The following NUDT5 variants were observed in gnomAD, a reference collection of about 807,000 sequenced individuals.
NUDT5 encodes nudix hydrolase 5, also known as ADP-sugar pyrophosphatase.
In NUDT5, 21 loss-of-function variants were observed where a neutral mutation model predicts 34.1. The observed-to-expected ratio is 0.62, with a 90% CI of 0.44 to 0.89. The LOEUF is 0.89. Ranked by LOEUF, NUDT5 falls within the 40% of genes least tolerant of loss-of-function variation. NUDT5 has a pLI of 0.00. For synonymous variants in NUDT5, 85 were observed against 97.6 expected (o/e 0.87, Z 0.76); for missense variants, 249 against 274.8 (o/e 0.91, Z 0.66).
intron 1 of NUDT5, among the ~76,000 whole-genome samples, chr10:12,190,135 C>T (rs1041445572): frequency 2.0e-5 from 3 of 152,160 alleles, no homozygotes; most frequent in African/African-American, 4.8e-5. Flanking sequence ...GTGATCCACC[C>T]GCCTCGGCCT....
intron 1 of NUDT5, among the ~76,000 whole-genome samples, chr10:12,190,691 C>T (rs1278936082): frequency 2.6e-5 from 4 of 151,162 alleles, no homozygotes; most frequent in African/African-American, 9.7e-5. Context: ...TCACTGCAAC[C>T]TCCACCTCCC....
chr10:12,170,695 T>C lies in NUDT5; in HGVS notation c.550+22A>G. On this transcript the variant is annotated intron_variant, in intron 9 of 9. Coordinates refer to ENST00000491614, the MANE Select transcript of NUDT5 (RefSeq NM_014142.4). The surrounding 1 kb of genome is among the most constrained non-coding windows in gnomAD (Gnocchi z 4.9). ...GACGGGGAGAACTGGAGAAACTGGGTGGCGGTCTGGAGAATGCTTACCATC... is the reference window on the plus strand; with the variant it reads ...GACGGGGAGAACTGGAGAAACTGGGCGGCGGTCTGGAGAATGCTTACCATC... 6.2e-7 allele frequency: 1 copy of C among 1,611,776 alleles called. No homozygotes were observed. Among genetic ancestry groups the C allele is most frequent in the African/African-American group, 1.3e-5 (1 of 74,994 alleles).
intron 5 of NUDT5, among the ~76,000 whole-genome samples, chr10:12,176,065 C>T (rs1048004290): frequency 1.1e-4 from 17 of 151,798 alleles, no homozygotes; most frequent in Non-Finnish European, 1.9e-4. Context: ...GGTGTGGTGG[C>T]ACATGCCTGT....
At chr10:12,174,609 A>G (rs1834919819) in intron 5 of NUDT5, among the ~76,000 whole-genome samples, 1 of 152,238 alleles carries the variant, frequency 6.6e-6, no homozygotes, top group Non-Finnish European at 1.5e-5. Flanking sequence ...AGGCGAAAGA[A>G]TAAAACTCTG....
At chr10:12,193,161 C>T (rs149908608) in intron 1 of NUDT5, among the ~76,000 whole-genome samples, 20 of 152,226 alleles carry the variant, frequency 1.3e-4, no homozygotes, top group Non-Finnish European at 2.8e-4. Context: ...AAAGATAGTC[C>T]AGGCAGGAGA....
chr10:12,181,912 G>T lies in NUDT5; in HGVS notation c.132-2780C>A, dbSNP rs943946909. ...CTAGCACTTTGGGAGGCCAAGGTGG[G>T]TGGATCACCTGAGGTCAGGAGTTTC... On this transcript the variant is annotated intron_variant, in intron 3 of 9. Transcript: ENST00000491614. This position sits in a 1 kb window ranked among gnomAD's most constrained non-coding sequence, Gnocchi z 5.0. 6.6e-6 allele frequency among the ~76,000 whole-genome samples: 1 copy of T among 152,176 alleles called. No homozygotes were observed.
rs1834890843 is a variant in NUDT5 at position 12,173,264 on chromosome 10, G to A, written c.386-398C>T. ...CTTTGCTCTTATTGCCCAGGATGGA[G>A]TGCACTGGCGTGATCTTGGCTCACT... is the stretch of plus-strand genomic sequence containing the variant. On this transcript the variant is annotated intron_variant, in intron 6 of 9. Coordinates refer to ENST00000491614, the MANE Select transcript of NUDT5 (RefSeq NM_014142.4). The surrounding 1 kb of genome is among the most constrained non-coding windows in gnomAD (Gnocchi z 4.7). Among the ~76,000 whole-genome samples the A allele has an allele frequency of 6.6e-6, 1 of 152,202 alleles. No individual in the cohort carries two copies. The highest frequency in any genetic ancestry group is 1.5e-5 in the Non-Finnish European group (1 of 68,036).
In NUDT5 at chr10:12,171,046, G is replaced by T; in HGVS notation, c.488-138C>A. The T allele has an allele frequency of 1.1e-6, 1 of 870,556 alleles. No homozygotes were observed. Among genetic ancestry groups the T allele is most frequent in the South Asian group, 1.6e-5 (1 of 61,274 alleles). 53.9% of individuals were successfully genotyped at this position (870,556 alleles called of 1,614,324 possible). A position where few individuals can be genotyped will look rare whatever the true frequency, so the allele number is the denominator to read the frequency against. Reference sequence around the variant, plus strand: ...TCTGCTAACTTAATTTATATACATTGTCAAACTCGAGCAGTATGAAGTTAT... The same window carrying T: ...TCTGCTAACTTAATTTATATACATTTTCAAACTCGAGCAGTATGAAGTTAT... On this transcript the variant is annotated intron_variant, in intron 7 of 9. Coordinates refer to ENST00000491614, the MANE Select transcript of NUDT5 (RefSeq NM_014142.4). The surrounding 1 kb of genome is among the most constrained non-coding windows in gnomAD (Gnocchi z 4.2).
At chr10:12,167,847 G>A (rs201510645) in intron 9 of NUDT5, 36 bp from the exon 10 acceptor site, 314 of 1,610,150 alleles carry the variant, frequency 2.0e-4, no homozygotes, top group Non-Finnish European at 2.5e-4. Context: ...AGATCATGCC[G>A]TTAAGGAAGG....
chr10:12,189,175 G>T (rs1040767891), intron 1 of NUDT5, among the ~76,000 whole-genome samples: 1 of 151,882 alleles, frequency 6.6e-6, no homozygotes, highest in Non-Finnish European at 1.5e-5. Flanking sequence ...GCATGATCTC[G>T]GCTCACTGCA....
Position 12,181,860 on chromosome 10 carries a change from C to T in NUDT5, c.132-2728G>A, listed in dbSNP as rs942207990. The stretch of plus-strand genomic sequence containing the variant: ...TAAATTTAAAAAAAAAGGATATGGC[C>T]GGATGCGGTGGCTCACGACTGTAGT... On this transcript the variant is annotated intron_variant, in intron 3 of 9. Transcript: ENST00000491614. This position sits in a 1 kb window ranked among gnomAD's most constrained non-coding sequence, Gnocchi z 5.0. Among the ~76,000 whole-genome samples the T allele has an allele frequency of 2.5e-4, 38 of 151,850 alleles. No individual in the cohort carries two copies. Among genetic ancestry groups the T allele is most frequent in the African/African-American group, 8.7e-4 (36 of 41,312 alleles).
Position 12,170,735 on chromosome 10 carries a change from G to A in NUDT5, c.532C>T (p.Leu178=). The change falls in exon 9 of 10, where the codon CTG becomes TTG. Residue 178 remains leucine, a synonymous_variant. Coordinates refer to ENST00000491614, the MANE Select transcript of NUDT5 (RefSeq NM_014142.4). This position sits in a 1 kb window ranked among gnomAD's most constrained non-coding sequence, Gnocchi z 4.9. ...TGCTTACCATCAAGTCTCTGCAGCAGGTCATTCTTGGGTAAAGAAATGACT... is the reference window on the plus strand; with the variant it reads ...TGCTTACCATCAAGTCTCTGCAGCAAGTCATTCTTGGGTAAAGAAATGACT... ...VEVISLPKND[L]LQRLDALVAE... The A allele has an allele frequency of 6.2e-7, 1 of 1,613,924 alleles. No homozygotes were observed.
At chr10:12,174,867 T>C (rs1299263847) in intron 5 of NUDT5, among the ~76,000 whole-genome samples, 1 of 151,956 alleles carries the variant, frequency 6.6e-6, no homozygotes, top group Non-Finnish European at 1.5e-5. Flanking sequence ...CTTGTCTTCC[T>C]CCCTCATAGT....
intron 5 of NUDT5, among the ~76,000 whole-genome samples, chr10:12,174,392 G>C (rs1010774330): frequency 1.3e-5 from 2 of 151,504 alleles, no homozygotes; most frequent in Non-Finnish European, 2.9e-5. Flanking sequence ...TCAGCCTCCT[G>C]AGTATCTGGG....
intron 6 of NUDT5, 95 bp from the exon 7 acceptor site, chr10:12,172,961 A>G (rs996527256): frequency 1.1e-6 from 1 of 877,178 alleles, no homozygotes; most frequent in African/African-American, 1.7e-5. Context: ...CTCAGCATTG[A>G]CGTGGAGGTG....
chr10:12,189,736 A>C (rs980585806), intron 1 of NUDT5, among the ~76,000 whole-genome samples: 4 of 152,202 alleles, frequency 2.6e-5, no homozygotes, highest in Non-Finnish European at 5.9e-5. Context: ...ACTGCAACGG[A>C]GTTTGCCTTC....
chr10:12,188,982 A>G (rs1339152825), intron 1 of NUDT5, among the ~76,000 whole-genome samples: 1 of 152,248 alleles, frequency 6.6e-6, no homozygotes, highest in Non-Finnish European at 1.5e-5. Context: ...CCTGAAAGCA[A>G]TAAGGAAGTA....
Position 12,170,016 on chromosome 10 carries a change from C to G in NUDT5, c.550+701G>C. ...GGATTTGCCAGCCCATACAGAGGTG[C>G]TCCTTGAAGGGCCCATGGTATGTCT... On this transcript the variant is annotated intron_variant, in intron 9 of 9. Transcript: ENST00000491614. This position sits in a 1 kb window ranked among gnomAD's most constrained non-coding sequence, Gnocchi z 4.9. 1 of 1,165,498 alleles carries G rather than the reference C, an allele frequency of 8.6e-7. No homozygotes were observed. Among genetic ancestry groups the G allele is most frequent in the Non-Finnish European group, 1.3e-6 (1 of 788,976 alleles). The allele number at this position is 1,165,498 out of a possible 1,614,324, so 72.2% of individuals were successfully genotyped here.
Position 12,167,335 on chromosome 10 carries a change from G to A in NUDT5, c.*367C>T, listed in dbSNP as rs1834726826. ...ATACCCAGCTTAGAATTTTATATTGGGGGTTGAGAGTGGAAATGACCTAAT... is the reference window on the plus strand; with the variant it reads ...ATACCCAGCTTAGAATTTTATATTGAGGGTTGAGAGTGGAAATGACCTAAT... On this transcript the variant is annotated 3_prime_UTR_variant, in exon 10 of 10. Transcript: ENST00000491614. The A allele has an allele frequency of 5.6e-6, 1 of 178,770 alleles. No homozygotes were observed. Among genetic ancestry groups the A allele is most frequent in the Non-Finnish European group, 1.2e-5 (1 of 83,876 alleles). The allele number at this position is 178,770 out of a possible 1,614,324, so 11.1% of individuals were successfully genotyped here.
Sources: gnomAD v4.1 joint callset for allele counts (sites outside exome capture counted in the v4.1 genomes callset) on GRCh38, gnomAD v4.1.1 for gene constraint, Gnocchi (gnomAD v3.1) non-coding constraint, MANE v1.5 for transcripts, NCBI Gene and HGNC (gene_info 2026-07-23, HGNC 2026-07-21) for gene names.